ZMYM4: variants seen among roughly 807,000 people sequenced by gnomAD.
ZMYM4 encodes zinc finger MYM-type containing 4, also known as zinc finger MYM-type protein 4.
A neutral mutation model predicts 183.2 loss-of-function variants in ZMYM4; 31 were observed. The observed-to-expected ratio is 0.17, with a 90% CI of 0.13 to 0.23. The LOEUF is 0.23. ZMYM4 is among the 10% of genes least tolerant of loss of function. ZMYM4 has a pLI of 1.00. For missense variants in ZMYM4, 1,273 were observed against 1,840.3 expected, an observed-to-expected ratio of 0.69 and a Z score of 5.64; for synonymous variants, 592 against 631.2, an observed-to-expected ratio of 0.94 and a Z score of 0.93.
Position 35,390,000 on chromosome 1 carries a change from A to G in ZMYM4, c.2489A>G (p.Lys830Arg), listed in dbSNP as rs772664124. ...KRQGKLSESL[K>R]WRGEMKHFCN... ...CAGGGTAAACTCAGTGAGTCCTTGA[A>G]ATGGCGAGGGGAAATGAAACATTTC... The change falls in exon 15 of 30, where the codon AAA becomes AGA. Residue 830 changes from lysine (K) to arginine (R), a missense_variant. Coordinates refer to ENST00000314607, the MANE Select transcript of ZMYM4 (RefSeq NM_005095.3). This position sits in a 1 kb window ranked among gnomAD's most constrained non-coding sequence, Gnocchi z 4.0. The G allele has an allele frequency of 6.2e-7, 1 of 1,613,910 alleles. No individual in the cohort carries two copies. The highest frequency in any genetic ancestry group is 2.2e-5 in the East Asian group (1 of 44,856).
intron 1 of ZMYM4, among the ~76,000 whole-genome samples, chr1:35,281,632 T>C (rs1167762245): frequency 6.8e-6 from 1 of 147,058 alleles, no homozygotes; most frequent in East Asian, 2.0e-4. Context: ...TGTGCAATTA[T>C]AACTTCTCAA....
intron 10 of ZMYM4, 32 bp from the exon 11 acceptor site, chr1:35,386,042 T>C (rs1480709287): frequency 3.4e-6 from 5 of 1,459,002 alleles, no homozygotes; most frequent in African/African-American, 2.8e-5. Context: ...TTTGTACATA[T>C]TACTCATTGG....
At chr1:35,345,008 T>C (rs1352571342) in intron 2 of ZMYM4, among the ~76,000 whole-genome samples, 1 of 152,226 alleles carries the variant, frequency 6.6e-6, no homozygotes, top group Non-Finnish European at 1.5e-5. Flanking sequence ...AATTTTCACC[T>C]TTTGAGCCAT....
chr1:35,385,761 C>T (rs1644561797), intron 10 of ZMYM4, among the ~76,000 whole-genome samples, 169 bp downstream of exon 10: 1 of 151,990 alleles, frequency 6.6e-6, no homozygotes, highest in South Asian at 2.1e-4. Flanking sequence ...TACTTGCATA[C>T]CTATTTATGC....
Position 35,421,835 on chromosome 1 carries a change from A to G in ZMYM4, c.*2158A>G, listed in dbSNP as rs1640334731. ...GGAGAAAAAAACATCAAACAAAAAC[A>G]TCTAAATCATCCTTTTTGTTCTTTT... On this transcript the variant is annotated 3_prime_UTR_variant, in exon 30 of 30. Coordinates refer to ENST00000314607, the MANE Select transcript of ZMYM4 (RefSeq NM_005095.3). The G allele has an allele frequency of 6.6e-6, 1 of 152,218 alleles. No individual in the cohort carries two copies. Among genetic ancestry groups the G allele is most frequent in the Non-Finnish European group, 1.5e-5 (1 of 68,020 alleles). The allele number at this position is 152,218 out of a possible 1,614,324, so 9.4% of individuals were successfully genotyped here.
chr1:35,287,928 A>C (rs769909929), intron 1 of ZMYM4, among the ~76,000 whole-genome samples: 1 of 152,136 alleles, frequency 6.6e-6, no homozygotes, highest in Non-Finnish European at 1.5e-5. Context: ...TTTTAGAGAC[A>C]GTCTTGCTAT....
intron 21 of ZMYM4, among the ~76,000 whole-genome samples, 198 bp downstream of exon 21, chr1:35,398,664 A>G (rs967048262): frequency 1.3e-5 from 2 of 152,214 alleles, no homozygotes; most frequent in Non-Finnish European, 2.9e-5. Context: ...AATTGAGATA[A>G]TGCTTTCAAT....
At chr1:35,280,358 G>C (rs997553578) in intron 1 of ZMYM4, among the ~76,000 whole-genome samples, 1 of 150,616 alleles carries the variant, frequency 6.6e-6, no homozygotes, top group Non-Finnish European at 1.5e-5. Context: ...GGCTGATCTC[G>C]AACTCATGAG....
At chr1:35,390,916 C>T (rs1644690756) in intron 15 of ZMYM4, among the ~76,000 whole-genome samples, 1 of 152,176 alleles carries the variant, frequency 6.6e-6, no homozygotes, top group Admixed American at 6.5e-5. Flanking sequence ...CCTGTAATCC[C>T]ACCGCCTTTG....
chr1:35,315,886 A>G (rs1181613336), intron 1 of ZMYM4, among the ~76,000 whole-genome samples: 3 of 152,138 alleles, frequency 2.0e-5, no homozygotes, highest in Non-Finnish European at 4.4e-5. Flanking sequence ...AGATCATGAC[A>G]CTGCACCCTG....
At chr1:35,403,969 A>G (rs564769870) in intron 23 of ZMYM4, among the ~76,000 whole-genome samples, 16 of 152,210 alleles carry the variant, frequency 1.1e-4, no homozygotes, top group Non-Finnish European at 2.1e-4. Context: ...GAGAGTCACA[A>G]GTGATCCACC....
intron 7 of ZMYM4, among the ~76,000 whole-genome samples, chr1:35,378,695 G>A (rs1359393335): frequency 6.6e-6 from 1 of 152,164 alleles, no homozygotes; most frequent in African/African-American, 2.4e-5. Context: ...TTGAAGCTTT[G>A]AAGCCAAGCA....
At chr1:35,379,124 G>C (rs759213329) in intron 7 of ZMYM4, among the ~76,000 whole-genome samples, 6 of 152,110 alleles carry the variant, frequency 3.9e-5, no homozygotes, top group Admixed American at 2.6e-4. Flanking sequence ...GTTTTGAGAC[G>C]GAGTGTCTCT....
intron 2 of ZMYM4, among the ~76,000 whole-genome samples, chr1:35,334,272 T>C (rs1306160652): frequency 6.6e-6 from 1 of 152,102 alleles, no homozygotes; most frequent in African/African-American, 2.4e-5. Flanking sequence ...TGAACTATGA[T>C]TATGCCACTG....
intron 1 of ZMYM4, among the ~76,000 whole-genome samples, chr1:35,287,163 T>G (rs2148706249): frequency 6.6e-6 from 1 of 152,140 alleles, no homozygotes; most frequent in East Asian, 1.9e-4. Context: ...ATAAGTGTTA[T>G]TCCCTCAGCT....
At chr1:35,297,478 C>CAA (rs548995290) in intron 1 of ZMYM4, among the ~76,000 whole-genome samples, 7,492 of 126,808 alleles carry the variant, frequency 0.059, 745 homozygotes, top group East Asian at 0.44. Context: ...GTGCTTGTCA[C>CAA]AAAAAAAAAA....
intron 28 of ZMYM4, among the ~76,000 whole-genome samples, chr1:35,416,636 T>C (rs921622744): frequency 6.6e-6 from 1 of 152,206 alleles, no homozygotes; most frequent in African/African-American, 2.4e-5. Flanking sequence ...TGATCTCAGC[T>C]CACTGCAGAC....
intron 1 of ZMYM4, among the ~76,000 whole-genome samples, chr1:35,309,804 A>C (rs1244357564): frequency 6.6e-6 from 1 of 151,836 alleles, no homozygotes; most frequent in African/African-American, 2.4e-5. Flanking sequence ...CCACAAAAAA[A>C]CTACTTTAGA....
At chr1:35,346,981 T>C (rs1164299684) in intron 2 of ZMYM4, among the ~76,000 whole-genome samples, 2 of 152,128 alleles carry the variant, frequency 1.3e-5, no homozygotes, top group Admixed American at 6.6e-5. Context: ...CTGGATAAAA[T>C]TGTTTAATTA....
Sources: allele counts gnomAD v4.1 joint callset (sites outside exome capture counted in the v4.1 genomes callset), GRCh38; gene constraint gnomAD v4.1.1; non-coding constraint Gnocchi (gnomAD v3.1); transcripts MANE v1.5; gene names NCBI Gene and HGNC (gene_info 2026-07-23, HGNC 2026-07-21).